GPR149: variants seen among roughly 807,000 people sequenced by gnomAD.
GPR149 encodes the protein probable G protein-coupled receptor 149.
Under a neutral mutation model 50.2 loss-of-function variants are expected in GPR149, and 50 were observed. The observed-to-expected ratio is 1.00, with a 90% confidence interval of 0.79 to 1.26. The LOEUF (loss-of-function observed/expected upper bound fraction) is 1.26. Among genes scored for constraint, GPR149 ranks in the 50% most tolerant of loss-of-function variants. The probability of loss-of-function intolerance (pLI) is 0.00; values close to 1 mark genes in which losing one functional copy is unlikely to be tolerated. For synonymous variants in GPR149, 405 were observed against 358.2 expected, an observed-to-expected ratio of 1.13 and a Z score of -1.48; for missense variants, 983 against 895.4, an observed-to-expected ratio of 1.10 and a Z score of -1.25.
At chr3:154,389,690 A>C (rs1360859792) in intron 3 of GPR149, among the ~76,000 whole-genome samples, 1 of 152,142 alleles carries the variant, frequency 6.6e-6, no homozygotes, top group Non-Finnish European at 1.5e-5. Flanking sequence ...AGAATAGGAC[A>C]ATGAATCCAA....
intron 3 of GPR149, among the ~76,000 whole-genome samples, chr3:154,346,499 A>G (rs574830015): frequency 8.5e-5 from 13 of 152,326 alleles, no homozygotes; most frequent in African/African-American, 3.1e-4. Flanking sequence ...GCCTTCATCA[A>G]GGGTCTGTAA....
At chr3:154,361,806 A>G (rs763127124) in intron 3 of GPR149, among the ~76,000 whole-genome samples, 7 of 152,204 alleles carry the variant, frequency 4.6e-5, no homozygotes, top group Non-Finnish European at 1.0e-4. Flanking sequence ...TTGTTCTTCC[A>G]GGGTCCAGAC....
At position 154,354,753 on chromosome 3, in the gene GPR149, G is replaced by A. The variant is rs879204932; in HGVS notation, c.1624-16482C>T. On this transcript the variant is annotated intron_variant, in intron 3 of 3. Coordinates refer to ENST00000389740, the MANE Select transcript of GPR149 (RefSeq NM_001038705.3). Reference sequence around the variant, plus strand: ...TCTTCTGGCTCTCGGACTCCTCCAAGGGTGTTTTCAGCTCCATAATGTCGC... The same window carrying A: ...TCTTCTGGCTCTCGGACTCCTCCAAAGGTGTTTTCAGCTCCATAATGTCGC... 9 of 725,730 alleles carry A rather than the reference G, an allele frequency of 1.2e-5. No homozygotes were observed. In the South Asian group the frequency reaches 1.3e-4, roughly 11 times the overall value. The allele number at this position is 725,730 out of a possible 1,614,324, so 45.0% of individuals were successfully genotyped here.
intron 3 of GPR149, among the ~76,000 whole-genome samples, chr3:154,345,574 C>T: frequency 6.6e-6 from 1 of 152,150 alleles, no homozygotes; most frequent in East Asian, 1.9e-4. Flanking sequence ...TTAAGCCACA[C>T]AAATGCTCCA....
chr3:154,389,545 C>T (rs1223906973), intron 3 of GPR149, among the ~76,000 whole-genome samples: 1 of 152,108 alleles, frequency 6.6e-6, no homozygotes, highest in Non-Finnish European at 1.5e-5. Context: ...AACACTACAG[C>T]CACCTGGGGC....
rs1405582834 is a variant in GPR149, at chr3:154,429,009, C to T, written c.607G>A (p.Gly203Arg). 6.2e-7 allele frequency: 1 copy of T among 1,613,898 alleles called. No homozygotes were observed. Among genetic ancestry groups the T allele is most frequent in the African/African-American group, 1.3e-5 (1 of 74,930 alleles). The change falls in exon 1 of 4, where the codon GGA (glycine) becomes AGA (arginine). Residue 203 changes from glycine to arginine, a missense_variant. Physicochemically the swap from Gly to Arg is moderately radical, Grantham distance 125 (BLOSUM62 -2). Transcript: ENST00000389740. Reference protein sequence around the residue: ...FLSIVYALAFGLLVGLSVPLT... With the variant: ...FLSIVYALAFRLLVGLSVPLT... Reference sequence around the variant, plus strand: ...GGGACTGAGAGGCCCACGAGGAGTCCGAAGGCCAAAGCGTACACGATAGAG... The same window carrying T: ...GGGACTGAGAGGCCCACGAGGAGTCTGAAGGCCAAAGCGTACACGATAGAG...
intron 2 of GPR149, among the ~76,000 whole-genome samples, chr3:154,423,992 A>G (rs1297752393): frequency 2.0e-5 from 3 of 151,828 alleles, no homozygotes; most frequent in African/African-American, 7.2e-5. Flanking sequence ...TGCTTTAATT[A>G]TTAACAAAGG....
chr3:154,351,117 C>T (rs1252341680), intron 3 of GPR149, among the ~76,000 whole-genome samples: 1 of 151,700 alleles, frequency 6.6e-6, no homozygotes, highest in Non-Finnish European at 1.5e-5. Flanking sequence ...TATCTAATTT[C>T]AATATAGCTA....
chr3:154,340,153 A>G (rs967714136), intron 3 of GPR149, among the ~76,000 whole-genome samples: 4 of 152,124 alleles, frequency 2.6e-5, no homozygotes, highest in African/African-American at 9.7e-5. Context: ...TGTGAGACAT[A>G]TGATCATTCT....
rs1559991349 is a variant in GPR149, at chr3:154,421,489, TG to T, written c.1175-3del. On this transcript the variant is annotated splice_polypyrimidine_tract_variant and splice_region_variant and intron_variant, in intron 2 of 3. Transcript: ENST00000389740. ...TGAATTCAAAGCCTTTTCTCTTGAC[TG>T]AGTAAAAATAAAAACAACAGTTTAT... 8 of 1,508,568 alleles carry T rather than the reference TG, an allele frequency of 5.3e-6. No individual in the cohort carries two copies. Among genetic ancestry groups the T allele is most frequent in the Non-Finnish European group, 7.1e-6 (8 of 1,120,652 alleles). 93.4% of individuals were successfully genotyped at this position (1,508,568 alleles called of 1,614,324 possible).
In GPR149 at chr3:154,352,391, C is replaced by T. The variant is rs188741524; in HGVS notation, c.1624-14120G>A. ...GTAATTTGGCTGGCACTGAGAGTATCCAGTTGGAATCGTGCCACACTGCCT... is the reference window on the plus strand; with the variant it reads ...GTAATTTGGCTGGCACTGAGAGTATTCAGTTGGAATCGTGCCACACTGCCT... On this transcript the variant is annotated intron_variant, in intron 3 of 3. Transcript: ENST00000389740. 40 of 1,125,350 alleles carry T rather than the reference C, an allele frequency of 3.6e-5. No individual in the cohort carries two copies. The Admixed American group carries it at 3.8e-4, about 11-fold the overall frequency. The allele number at this position is 1,125,350 out of a possible 1,614,324, so 69.7% of individuals were successfully genotyped here.
rs1341107044 is a variant in GPR149 at position 154,351,311 on chromosome 3, T to TGCAAAAAAAAAAAAAA, written c.1624-13041_1624-13040insTTTTTTTTTTTTTTGC. Among the ~76,000 whole-genome samples the TGCAAAAAAAAAAAAAA allele has an allele frequency of 1.5e-4, 3 of 19,680 alleles. 1 individual carries two copies. The highest frequency in any genetic ancestry group is 4.0e-4 in the African/African-American group (2 of 5,018). 12.9% of individuals were successfully genotyped at this position (19,680 alleles called of 152,430 possible). A position where few individuals can be genotyped will look rare whatever the true frequency, so the allele number is the denominator to read the frequency against. ...GTGCTAGGGCAATTAGACATCCACA[T>TGCAAAAAAAAAAAAAA]ACAAAAAAAAAAAAAAAAAAAAAAA... On this transcript the variant is annotated intron_variant, in intron 3 of 3. Transcript: ENST00000389740.
intron 3 of GPR149, among the ~76,000 whole-genome samples, chr3:154,371,932 T>C (rs1316648667): frequency 6.6e-6 from 1 of 151,748 alleles, no homozygotes; most frequent in Non-Finnish European, 1.5e-5. Flanking sequence ...ACAAATGGTC[T>C]TACAAATGGA....
intron 3 of GPR149, among the ~76,000 whole-genome samples, chr3:154,365,995 C>G (rs1404230958): frequency 6.6e-6 from 1 of 152,124 alleles, no homozygotes; most frequent in Non-Finnish European, 1.5e-5. Context: ...AAGCCTCTAC[C>G]CATTATCTAT....
intron 3 of GPR149, among the ~76,000 whole-genome samples, chr3:154,356,499 C>T (rs1375070718): frequency 1.3e-5 from 2 of 152,134 alleles, no homozygotes; most frequent in East Asian, 3.9e-4. Flanking sequence ...GATACAAAAT[C>T]AATGTGCAAA....
At chr3:154,350,945 T>G (rs1714062804) in intron 3 of GPR149, among the ~76,000 whole-genome samples, 1 of 152,154 alleles carries the variant, frequency 6.6e-6, no homozygotes, top group South Asian at 2.1e-4. Flanking sequence ...TGTCAATAGC[T>G]GTTTACTATA....
rs1713650455 is a variant in GPR149 at position 154,336,064 on chromosome 3, T to G, written c.*1635A>C. 1 of 152,114 alleles carries G rather than the reference T, an allele frequency of 6.6e-6. No individual in the cohort carries two copies. The highest frequency in any genetic ancestry group is 1.5e-5 in the Non-Finnish European group (1 of 67,938). 9.4% of individuals were successfully genotyped at this position (152,114 alleles called of 1,614,324 possible). On this transcript the variant is annotated 3_prime_UTR_variant, in exon 4 of 4. Coordinates refer to ENST00000389740, the MANE Select transcript of GPR149 (RefSeq NM_001038705.3). ...GCTGTTAATATTGGTGATACAGTCT[T>G]TTAAAATAAAATATATTTGTAACGA...
intron 3 of GPR149, among the ~76,000 whole-genome samples, chr3:154,370,158 C>T (rs1714630981): frequency 6.6e-6 from 1 of 152,168 alleles, no homozygotes; most frequent in African/African-American, 2.4e-5. Context: ...AGCACACCTC[C>T]CTAACTCCAT....
At chr3:154,392,562 G>A (rs1229883737) in intron 3 of GPR149, among the ~76,000 whole-genome samples, 2 of 151,504 alleles carry the variant, frequency 1.3e-5, no homozygotes, top group East Asian at 1.9e-4. Context: ...GCCAAAGTTA[G>A]CAGAAAGAAG....
Sources: gnomAD v4.1 joint callset for allele counts (sites outside exome capture counted in the v4.1 genomes callset) on GRCh38, gnomAD v4.1.1 for gene constraint, MANE v1.5 for transcripts, NCBI Gene and HGNC (gene_info 2026-07-23, HGNC 2026-07-21) for gene names.